The following AR variants were observed in gnomAD, a reference collection of about 807,000 sequenced individuals.
AR encodes dihydrotestosterone receptor.
Under a neutral mutation model 53.9 loss-of-function variants are expected in AR, and 8 were observed. The observed-to-expected ratio is 0.15, with a 90% confidence interval of 0.09 to 0.27. The LOEUF is 0.27. Ranked by LOEUF, AR falls within the 10% of genes least tolerant of loss-of-function variation. The pLI is 1.00. For synonymous variants in AR, 359 were observed against 316.4 expected (o/e 1.13, Z -1.43); for missense variants, 639 against 742.5 (o/e 0.86, Z 1.62).
intron 1 of AR, among the ~76,000 whole-genome samples, chrX:67,613,251 C>T: frequency 8.9e-6 from 1 of 112,004 alleles, no homozygotes; most frequent in Non-Finnish European, 1.9e-5. Flanking sequence ...ACAGGGGAGT[C>T]ACTCGTCACT....
chrX:67,666,247 C>T (rs746916257), intron 2 of AR, among the ~76,000 whole-genome samples: 9 of 110,819 alleles, frequency 8.1e-5, no homozygotes, highest in Non-Finnish European at 1.5e-4. Flanking sequence ...CATCATTCCA[C>T]TCTCTATCTC....
chrX:67,578,287 A>G (rs557079125), intron 1 of AR, among the ~76,000 whole-genome samples: 2 of 111,713 alleles, frequency 1.8e-5, no homozygotes, highest in African/African-American at 3.2e-5. Flanking sequence ...ATATGGTTCA[A>G]TTGGCTGAAG....
At chrX:67,686,427 G>T (rs191023197) in intron 3 of AR, among the ~76,000 whole-genome samples, 22 of 111,730 alleles carry the variant, frequency 2.0e-4, no homozygotes, top group Admixed American at 5.7e-4. Context: ...GCCCCCAGGG[G>T]ACTTAATGAT....
chrX:67,615,784 G>A (rs1924090003), intron 1 of AR, among the ~76,000 whole-genome samples: 1 of 111,261 alleles, frequency 9.0e-6, no homozygotes, highest in African/African-American at 3.3e-5. Context: ...GTAAGGAAAT[G>A]GTATCACATG....
intron 1 of AR, among the ~76,000 whole-genome samples, chrX:67,584,240 G>T (rs1922425138): frequency 8.9e-6 from 1 of 111,940 alleles, no homozygotes; most frequent in Non-Finnish European, 1.9e-5. Flanking sequence ...TGACCCAGGG[G>T]AACAGTTCAT....
chrX:67,680,555 G>T (rs934046341), intron 2 of AR, among the ~76,000 whole-genome samples: 3 of 111,323 alleles, frequency 2.7e-5, no homozygotes, highest in Admixed American at 9.6e-5. Flanking sequence ...GTTCATATAG[G>T]TCCTGCATTA....
chrX:67,629,943 C>T (rs1489535116), intron 1 of AR, among the ~76,000 whole-genome samples: 10 of 111,097 alleles, frequency 9.0e-5, no homozygotes, highest in African/African-American at 1.6e-4. Flanking sequence ...TGTAGTTGAG[C>T]GGTTTTGAGT....
At chrX:67,679,612 C>T (rs1456096983) in intron 2 of AR, among the ~76,000 whole-genome samples, 1 of 111,677 alleles carries the variant, frequency 9.0e-6, no homozygotes, top group Non-Finnish European at 1.9e-5. Context: ...AGAAATACCT[C>T]TTCACCAACA....
At chrX:67,586,420 TC>T (rs1922550109) in intron 1 of AR, among the ~76,000 whole-genome samples, 1 of 112,043 alleles carries the variant, frequency 8.9e-6, no homozygotes, top group South Asian at 3.7e-4. Context: ...AAATGTCACC[TC>T]CCTTATTTAT....
intron 3 of AR, among the ~76,000 whole-genome samples, chrX:67,700,910 T>C (rs1369944302): frequency 8.9e-6 from 1 of 111,966 alleles, no homozygotes; most frequent in African/African-American, 3.2e-5. Context: ...TGTGTGTCCC[T>C]CCACCTTTTG....
At chrX:67,638,884 G>A (rs1156235451) in intron 1 of AR, among the ~76,000 whole-genome samples, 1 of 111,752 alleles carries the variant, frequency 8.9e-6, no homozygotes, top group Non-Finnish European at 1.9e-5. Flanking sequence ...TGGTGTTTTA[G>A]TCATGTAGTC....
chrX:67,695,807 ACTCTCT>A (rs758632822), intron 3 of AR: 3 of 669,055 alleles, frequency 4.5e-6, no homozygotes, highest in Non-Finnish European at 5.3e-6. Flanking sequence ...ACACACACAC[ACTCTCT>A]CTCTCTCTCA....
At chrX:67,662,326 T>C (rs777111694) in intron 2 of AR, among the ~76,000 whole-genome samples, 95 of 111,246 alleles carry the variant, frequency 8.5e-4, no homozygotes, top group African/African-American at 3.0e-3. Flanking sequence ...CTTGTGGGCA[T>C]TTAGTGCTAT....
At position 67,681,249 on chromosome X, in the gene AR, G is replaced by T. The variant is rs1238288371; in HGVS notation, c.1769-4761G>T. On this transcript the variant is annotated intron_variant, in intron 2 of 7. Coordinates refer to ENST00000374690, the MANE Select transcript of AR (RefSeq NM_000044.6). ...TTGTAATATCTGAGGAGGGGGAGCT[G>T]CCTAGGAAGTTGTATTCCCTGTGTT... is the stretch of plus-strand genomic sequence containing the variant. Among the ~76,000 whole-genome samples the T allele has an allele frequency of 2.7e-5, 3 of 111,345 alleles. No individual in the cohort carries two copies. In the Admixed American group the frequency reaches 2.9e-4, roughly 11 times the overall value.
chrX:67,711,305 T>C, intron 3 of AR, 97 bp from the exon 4 acceptor site: 1 of 941,999 alleles, frequency 1.1e-6, no homozygotes, highest in Admixed American at 2.6e-5. Flanking sequence ...GGGAGAATGG[T>C]GATTTTCTTA....
intron 1 of AR, among the ~76,000 whole-genome samples, chrX:67,589,717 T>G (rs1480714766): frequency 8.9e-6 from 1 of 111,823 alleles, no homozygotes; most frequent in East Asian, 2.8e-4. Context: ...AGGCCTAAAA[T>G]TAGACATGGC....
Position 67,621,338 on chromosome X carries a change from CGTT to C in AR, c.1617-21905_1617-21903del, listed in dbSNP as rs767951944. Among the ~76,000 whole-genome samples the C allele has an allele frequency of 7.2e-5, 8 of 111,014 alleles. No homozygotes were observed. In the South Asian group the frequency reaches 1.9e-3, roughly 27 times the overall value. On this transcript the variant is annotated intron_variant, in intron 1 of 7. Coordinates refer to ENST00000374690, the MANE Select transcript of AR (RefSeq NM_000044.6). ...AAAAATTAGATGCCCAGATTTTTGTCGTTGTTGTTGTTGTTTTTGTTTGTTTGT... is the reference window on the plus strand; with the variant it reads ...AAAAATTAGATGCCCAGATTTTTGTCGTTGTTGTTGTTTTTGTTTGTTTGT...
intron 1 of AR, among the ~76,000 whole-genome samples, chrX:67,556,437 G>A (rs1254086473): frequency 8.9e-6 from 1 of 111,823 alleles, no homozygotes; most frequent in African/African-American, 3.3e-5. Flanking sequence ...CCAGACTGAT[G>A]GATTTGGTTG....
intron 1 of AR, among the ~76,000 whole-genome samples, chrX:67,641,315 G>A (rs1925751679): frequency 8.9e-6 from 1 of 111,983 alleles, no homozygotes; most frequent in Non-Finnish European, 1.9e-5. Flanking sequence ...GGGATGATAT[G>A]TATGAAATGG....
Sources: gnomAD v4.1 joint callset for allele counts (sites outside exome capture counted in the v4.1 genomes callset) on GRCh38, gnomAD v4.1.1 for gene constraint, MANE v1.5 for transcripts, NCBI Gene and HGNC (gene_info 2026-07-23, HGNC 2026-07-21) for gene names.